Variants in FRMPD1 observed in about 807,000 individuals in gnomAD.
FRMPD1 encodes FERM and PDZ domain containing 1.
FRMPD1 carries 76 observed loss-of-function variants against 117.8 expected under a neutral mutation model. That is an observed-to-expected ratio of 0.65 (90% confidence interval 0.54 to 0.78). The LOEUF is 0.78. Among genes scored for constraint, FRMPD1 ranks in the 30% least tolerant of loss-of-function variants. The pLI is 0.00. For missense variants in FRMPD1, 1,786 were observed against 1,964.5 expected, an observed-to-expected ratio of 0.91 and a Z score of 1.72; for synonymous variants, 783 against 770.4, an observed-to-expected ratio of 1.02 and a Z score of -0.27.
chr9:37,735,898 T>C lies in FRMPD1; in HGVS notation c.1401+164T>C, dbSNP rs138545893. Among the ~76,000 whole-genome samples, 246 of 152,266 alleles carry C rather than the reference T, an allele frequency of 1.6e-3. 1 individual carries two copies. The highest frequency in any genetic ancestry group is 5.6e-3 in the African/African-American group (233 of 41,542). ...GTTCTATCAAACGGAAAGTGGTAAA[T>C]GGTAAATTTTCCTGAAGAGGTCCTA... On this transcript the variant is annotated intron_variant, in intron 13 of 15. Coordinates refer to ENST00000377765, the MANE Select transcript of FRMPD1 (RefSeq NM_014907.3).
chr9:37,704,248 G>T (rs1822625085), intron 2 of FRMPD1, among the ~76,000 whole-genome samples: 1 of 152,130 alleles, frequency 6.6e-6, no homozygotes, highest in Admixed American at 6.5e-5. Flanking sequence ...GATACGCGCT[G>T]TAAGTGTAAA....
At chr9:37,638,747 A>G in the FRMPD1 span, among the ~76,000 whole-genome samples, 63,193 of 152,032 alleles carry the variant, frequency 0.42, 13,239 homozygotes, top group East Asian at 0.57. Context: ...TAAGATCTTG[A>G]GTGCTCCCAG....
intron 1 of FRMPD1, among the ~76,000 whole-genome samples, chr9:37,657,422 A>G (rs961231204): frequency 1.3e-5 from 2 of 152,262 alleles, no homozygotes; most frequent in Non-Finnish European, 2.9e-5. Context: ...TCTTATAAAA[A>G]TAATTTATTT....
At chr9:37,723,948 A>G (rs962372716) in intron 6 of FRMPD1, among the ~76,000 whole-genome samples, 9 of 152,092 alleles carry the variant, frequency 5.9e-5, no homozygotes, top group Non-Finnish European at 1.2e-4. Context: ...GCAGTGAGCC[A>G]AGATTGCACC....
At chr9:37,620,741 A>G in the FRMPD1 span, among the ~76,000 whole-genome samples, 2 of 152,216 alleles carry the variant, frequency 1.3e-5, no homozygotes, top group South Asian at 2.1e-4. Flanking sequence ...CAATAATGAA[A>G]TATCTTCTGG....
chr9:37,675,936 C>A (rs992898553), intron 1 of FRMPD1, among the ~76,000 whole-genome samples: 1 of 152,196 alleles, frequency 6.6e-6, no homozygotes, highest in Non-Finnish European at 1.5e-5. Flanking sequence ...ACCTGTAAAG[C>A]TTTGATTCTC....
At chr9:37,701,937 T>C (rs1006865342) in intron 2 of FRMPD1, among the ~76,000 whole-genome samples, 1 of 152,102 alleles carries the variant, frequency 6.6e-6, no homozygotes, top group African/African-American at 2.4e-5. Flanking sequence ...TGAGATCTTC[T>C]CGTGTTGTGA....
At chr9:37,742,846 C>T (rs1824486826) in intron 15 of FRMPD1, among the ~76,000 whole-genome samples, 1 of 152,148 alleles carries the variant, frequency 6.6e-6, no homozygotes, top group Admixed American at 6.5e-5. Context: ...CTGCAGTGAG[C>T]CGAGATTGCA....
At chr9:37,646,514 C>A (rs956805348), upstream of FRMPD1, among the ~76,000 whole-genome samples, 2 of 152,338 alleles carry the variant, frequency 1.3e-5, no homozygotes, top group South Asian at 4.1e-4. Context: ...CTTTCTTTCA[C>A]CCATACTACT....
Position 37,740,845 on chromosome 9 carries a change from G to A in FRMPD1, c.2317G>A (p.Asp773Asn). ...TGGCAGCTCAGATGAGGAATACTATGACGCGGCTGATAAGCTCACTCCCCC... is the reference window on the plus strand; with the variant it reads ...TGGCAGCTCAGATGAGGAATACTATAACGCGGCTGATAAGCTCACTCCCCC... ...EDGSSDEEYYDAADKLTPPGP... is the reference protein window; with the variant it reads ...EDGSSDEEYYNAADKLTPPGP... The change falls in exon 15 of 16, where the codon GAC becomes AAC. Residue 773 changes from aspartate (D) to asparagine (N), a missense_variant. Coordinates refer to ENST00000377765, the MANE Select transcript of FRMPD1 (RefSeq NM_014907.3). This position sits in a 1 kb window ranked among gnomAD's most constrained non-coding sequence, Gnocchi z 4.2. The A allele has an allele frequency of 6.2e-7, 1 of 1,614,174 alleles. No individual in the cohort carries two copies. Among genetic ancestry groups the A allele is most frequent in the Non-Finnish European group, 8.5e-7 (1 of 1,180,012 alleles).
the FRMPD1 span, among the ~76,000 whole-genome samples, chr9:37,638,009 T>TCTC: frequency 5.5e-5 from 7 of 126,750 alleles, no homozygotes; most frequent in African/African-American, 1.7e-4. Context: ...TCTTTCTTTC[T>TCTC]TTCTTTCTTT....
intron 1 of FRMPD1, among the ~76,000 whole-genome samples, chr9:37,687,227 C>G (rs114197911): frequency 2.0e-5 from 3 of 152,204 alleles, no homozygotes; most frequent in African/African-American, 7.2e-5. Flanking sequence ...GAGTCCCCCA[C>G]GCTGTGGCAT....
At position 37,740,981 on chromosome 9, in the gene FRMPD1, G is replaced by C. The variant is rs569193724; in HGVS notation, c.2356+97G>C. ...GGCCAAGCTTGAGAGGAAGGCACAT[G>C]AGTGAAACAGGGTCCCTGTACACTT... On this transcript the variant is annotated intron_variant, in intron 15 of 15. Coordinates refer to ENST00000377765, the MANE Select transcript of FRMPD1 (RefSeq NM_014907.3). The surrounding 1 kb of genome is among the most constrained non-coding windows in gnomAD (Gnocchi z 4.2). 115 of 896,732 alleles carry C rather than the reference G, an allele frequency of 1.3e-4. 1 individual carries two copies. In the African/African-American group the frequency reaches 1.8e-3, roughly 14 times the overall value. The allele number at this position is 896,732 out of a possible 1,614,324, so 55.5% of individuals were successfully genotyped here.
the FRMPD1 span, among the ~76,000 whole-genome samples, chr9:37,612,542 C>T: frequency 0.16 from 20,058 of 127,406 alleles, 1,878 homozygotes; most frequent in Admixed American, 0.23. Context: ...TTTTTTGAGA[C>T]GGAGTCTTGC....
chr9:37,712,801 C>A (rs1214115167), intron 5 of FRMPD1, among the ~76,000 whole-genome samples: 1 of 151,998 alleles, frequency 6.6e-6, no homozygotes, highest in Non-Finnish European at 1.5e-5. Context: ...ATTAATAAAA[C>A]AAACATAAAG....
intron 1 of FRMPD1, among the ~76,000 whole-genome samples, chr9:37,680,008 TG>T (rs1821667250): frequency 6.6e-6 from 1 of 152,202 alleles, no homozygotes; most frequent in Non-Finnish European, 1.5e-5. Flanking sequence ...CTAGGGATAC[TG>T]TTTATCTGGT....
At chr9:37,713,713 A>G (rs1263534958) in intron 5 of FRMPD1, among the ~76,000 whole-genome samples, 1 of 152,188 alleles carries the variant, frequency 6.6e-6, no homozygotes, top group Non-Finnish European at 1.5e-5. Flanking sequence ...TGTGAAAAAC[A>G]TAGCATTCCA....
At chr9:37,604,944 T>C in the FRMPD1 span, among the ~76,000 whole-genome samples, 1 of 152,194 alleles carries the variant, frequency 6.6e-6, no homozygotes, top group Non-Finnish European at 1.5e-5. Flanking sequence ...ACATCAACCC[T>C]CTGAGGCAGG....
chr9:37,604,824 A>G, the FRMPD1 span, among the ~76,000 whole-genome samples: 1 of 152,240 alleles, frequency 6.6e-6, no homozygotes, highest in Admixed American at 6.5e-5. Flanking sequence ...AAGTGGGCCA[A>G]GCATTAGGGC....
Sources: allele counts gnomAD v4.1 joint callset (sites outside exome capture counted in the v4.1 genomes callset), GRCh38; gene constraint gnomAD v4.1.1; non-coding constraint Gnocchi (gnomAD v3.1); transcripts MANE v1.5; gene names NCBI Gene and HGNC (gene_info 2026-07-23, HGNC 2026-07-21).